Variants in COPG1 observed in about 807,000 individuals in gnomAD.
COPG1 encodes coat protein complex I subunit gamma 1.
COPG1 carries 29 observed loss-of-function variants against 102.8 expected under a neutral mutation model. That is an observed-to-expected ratio of 0.28 (90% CI 0.21 to 0.38). The LOEUF (loss-of-function observed/expected upper bound fraction) is 0.38. COPG1 is among the 10% of genes least tolerant of loss of function. The probability of loss-of-function intolerance (pLI) is 1.00; values close to 1 mark genes in which losing one functional copy is unlikely to be tolerated. For missense variants in COPG1, 875 were observed against 1,132.7 expected, an observed-to-expected ratio of 0.77 and a Z score of 3.27; for synonymous variants, 406 against 421.6, an observed-to-expected ratio of 0.96 and a Z score of 0.45.
At chr3:129,250,912 C>CTTT (rs10706690) in intron 2 of COPG1, 178 bp downstream of exon 2, 229 of 202,262 alleles carry the variant, frequency 1.1e-3, no homozygotes, top group Middle Eastern at 1.7e-3. Flanking sequence ...ATGCTTACTT[C>CTTT]TTTTTTTTTT....
intron 13 of COPG1, 63 bp from the exon 14 acceptor site, chr3:129,265,486 T>G (rs1940035371): frequency 6.9e-6 from 11 of 1,584,194 alleles, no homozygotes; most frequent in Non-Finnish European, 7.7e-6. Flanking sequence ...TTGGTCCAGC[T>G]CAGGTCTTCA....
At chr3:129,255,141 C>T (rs4927911) in intron 7 of COPG1, 64 bp downstream of exon 7, 40,195 of 1,009,034 alleles carry the variant, frequency 0.04, 4,700 homozygotes, top group African/African-American at 0.35. Context: ...ATTTAAGAGT[C>T]ACATTCCAGT....
rs772827034 is a variant in COPG1, at chr3:129,265,546, C to T, written c.1225-3C>T. On this transcript the variant is annotated splice_region_variant and splice_polypyrimidine_tract_variant and intron_variant, in intron 13 of 23. Coordinates refer to ENST00000314797, the MANE Select transcript of COPG1 (RefSeq NM_016128.4). ...CCTTGCTTAGCTCAGCTTCTCTCTG[C>T]AGGGTGGCTTTGAGTATAAGCGCGC... 2.5e-6 allele frequency: 4 copies of T among 1,613,978 alleles called. No individual in the cohort carries two copies. The East Asian group carries it at 8.9e-5, about 36-fold the overall frequency.
At chr3:129,259,732 G>A (rs1477557844) in intron 10 of COPG1, among the ~76,000 whole-genome samples, 1 of 152,142 alleles carries the variant, frequency 6.6e-6, no homozygotes, top group East Asian at 1.9e-4. Flanking sequence ...GAGCTTCCGG[G>A]CAGCCAGGGC....
chr3:129,259,529 T>A (rs1939882472), intron 10 of COPG1, among the ~76,000 whole-genome samples: 1 of 151,976 alleles, frequency 6.6e-6, no homozygotes, highest in Admixed American at 6.6e-5. Context: ...GGGTATTCAT[T>A]CATTCTTATT....
chr3:129,250,751 C>G lies in COPG1; in HGVS notation c.90+17C>G. 1.2e-6 allele frequency: 2 copies of G among 1,608,988 alleles called. No homozygotes were observed. The highest frequency in any genetic ancestry group is 1.1e-5 in the South Asian group (1 of 90,962). On this transcript the variant is annotated intron_variant, in intron 2 of 23. Transcript: ENST00000314797. ...CTCCAGGAGGCAAGTGACATTTGCT[C>G]CCCTCTAGCTTCCATCATAAATATT...
In COPG1 at chr3:129,272,289, A is replaced by AATGAC; in HGVS notation, c.2032_2033insATGAC (p.Thr678AsnfsTer52). On this transcript the variant is annotated frameshift_variant, in exon 20 of 24. Transcript: ENST00000314797. LOFTEE classifies it high-confidence loss of function. ...CAATGACCAGACCTTGGAGAATGTC[A>AATGAC]CAGTGCAGATGGAGCCCACTGAGGC... The AATGAC allele has an allele frequency of 6.2e-7, 1 of 1,613,852 alleles. No homozygotes were observed. Among genetic ancestry groups the AATGAC allele is most frequent in the South Asian group, 1.1e-5 (1 of 91,064 alleles).
At position 129,252,334 on chromosome 3, in the gene COPG1, C is replaced by T. The variant is rs767124070; in HGVS notation, c.144C>T (p.Leu48=). ...ACCCTCGGAAATGTGCCCACATCCT[C>T]ACCAAGATTCTTTATCTCATAAACC... is the stretch of plus-strand genomic sequence containing the variant. ...PINPRKCAHI[L]TKILYLINQG... is the part of the protein sequence containing the mutation. Residue 48 remains leucine, a synonymous_variant, in exon 3 of 24, where the codon CTC becomes CTT. Transcript: ENST00000314797. 2 of 1,612,588 alleles carry T rather than the reference C, an allele frequency of 1.2e-6. No homozygotes were observed. Among genetic ancestry groups the T allele is most frequent in the Admixed American group, 3.3e-5 (2 of 59,998 alleles).
chr3:129,251,031 C>T (rs1023220002), intron 2 of COPG1: 3 of 291,124 alleles, frequency 1.0e-5, no homozygotes, highest in Non-Finnish European at 2.0e-5. Context: ...TCACGCCATT[C>T]TCCTGCCTCA....
chr3:129,277,601 C>CTT lies in COPG1; in HGVS notation c.*195_*196dup, dbSNP rs35073725. The CTT allele has an allele frequency of 0.019, 5,643 of 300,716 alleles. No homozygotes were observed. The highest frequency in any genetic ancestry group is 0.032 in the South Asian group (843 of 26,170). 18.6% of individuals were successfully genotyped at this position (300,716 alleles called of 1,614,324 possible). On this transcript the variant is annotated 3_prime_UTR_variant, in exon 24 of 24. Coordinates refer to ENST00000314797, the MANE Select transcript of COPG1 (RefSeq NM_016128.4). Reference sequence around the variant, plus strand: ...CCCACCCGGGACTACTTGCTGGTGACTTTTTTTTTTTTTTTTTTTAAATAG... The same window carrying CTT: ...CCCACCCGGGACTACTTGCTGGTGACTTTTTTTTTTTTTTTTTTTTTAAATAG...
rs1939729740 is a variant in COPG1, at chr3:129,252,893, G to A, written c.261G>A (p.Met87Ile). The part of the protein sequence containing the change: ...FQSNDPTLRR[M>I]CYLTIKEMSC... The stretch of plus-strand genomic sequence containing the variant: ...TCTCCCAGCCCACACTCCGTCGGAT[G>A]TGCTACTTGACCATCAAGGAGATGT... The change falls in exon 5 of 24, where the codon ATG becomes ATA. Residue 87 changes from methionine to isoleucine, a missense_variant. Met to Ile is a conservative substitution (Grantham distance 10, BLOSUM62 1). Transcript: ENST00000314797. 6.2e-7 allele frequency: 1 copy of A among 1,614,176 alleles called. No individual in the cohort carries two copies. The highest frequency in any genetic ancestry group is 8.5e-7 in the Non-Finnish European group (1 of 1,180,012).
At chr3:129,265,100 C>T (rs886732108) in intron 13 of COPG1, among the ~76,000 whole-genome samples, 18 of 151,186 alleles carry the variant, frequency 1.2e-4, no homozygotes, top group East Asian at 1.2e-3. Context: ...GGATTACAGA[C>T]GTGAGCCACT....
At position 129,260,325 on chromosome 3, in the gene COPG1, C is replaced by T; in HGVS notation, c.872-8C>T. 6.2e-7 allele frequency: 1 copy of T among 1,613,772 alleles called. No individual in the cohort carries two copies. Among genetic ancestry groups the T allele is most frequent in the Non-Finnish European group, 8.5e-7 (1 of 1,179,756 alleles). On this transcript the variant is annotated splice_polypyrimidine_tract_variant and splice_region_variant and intron_variant, in intron 10 of 23. Transcript: ENST00000314797. ...GCAACCTGACATGTGGCATCCATCT[C>T]CCCACAGTGCTCCAGCTTTTCTGCA...
intron 2 of COPG1, among the ~76,000 whole-genome samples, chr3:129,251,675 C>T (rs144902432): frequency 0.074 from 10,014 of 136,196 alleles, 1,071 homozygotes; most frequent in African/African-American, 0.25. Context: ...CGTGAGCCAC[C>T]GCGCCCGGCC....
intron 21 of COPG1, 130 bp from the exon 22 acceptor site, chr3:129,274,708 G>A: frequency 9.3e-7 from 1 of 1,071,204 alleles, no homozygotes; most frequent in Non-Finnish European, 1.4e-6. Flanking sequence ...TGTCCCCAGA[G>A]TCTAGCACAG....
At chr3:129,252,405 A>T in intron 3 of COPG1, 44 bp downstream of exon 3, 1 of 1,385,284 alleles carries the variant, frequency 7.2e-7, no homozygotes, top group Non-Finnish European at 1.0e-6. Context: ...GTGCTGGGGG[A>T]TTGGAGGGGA....
At chr3:129,263,020 A>G (rs1386015743) in intron 12 of COPG1, among the ~76,000 whole-genome samples, 1 of 143,834 alleles carries the variant, frequency 7.0e-6, no homozygotes, top group Non-Finnish European at 1.5e-5. Flanking sequence ...GTCTCAAAAA[A>G]AAAAAAAAAA....
intron 21 of COPG1, chr3:129,274,216 C>T (rs1440025700): frequency 2.4e-6 from 1 of 425,348 alleles, no homozygotes; most frequent in Non-Finnish European, 4.6e-6. Context: ...AGAGCTGGGT[C>T]TAAGTTGTAT....
chr3:129,264,183 A>G (rs1179188076), intron 13 of COPG1, among the ~76,000 whole-genome samples, 184 bp downstream of exon 13: 2 of 152,200 alleles, frequency 1.3e-5, no homozygotes, highest in African/African-American at 2.4e-5. Context: ...GCTAGTAATT[A>G]CAGTAATAAC....
Sources: allele counts gnomAD v4.1 joint callset (sites outside exome capture counted in the v4.1 genomes callset), GRCh38; gene constraint gnomAD v4.1.1; transcripts MANE v1.5; gene names NCBI Gene and HGNC (gene_info 2026-07-23, HGNC 2026-07-21).